PTBP3: variants seen among roughly 807,000 people sequenced by gnomAD.
PTBP3 encodes the protein polypyrimidine tract binding protein 3, also known as polypyrimidine tract-binding protein 3.
Under a neutral mutation model 58.7 loss-of-function variants are expected in PTBP3, and 20 were observed. The observed-to-expected ratio is 0.34, with a 90% CI of 0.24 to 0.50. The LOEUF (loss-of-function observed/expected upper bound fraction) is 0.50, where lower values mean the gene tolerates loss of function less well. Ranked by LOEUF, PTBP3 falls within the 20% of genes least tolerant of loss-of-function variation. The pLI is 0.98. For synonymous variants in PTBP3, 185 were observed against 219.8 expected (o/e 0.84, Z 1.40); for missense variants, 509 against 637.2 (o/e 0.80, Z 2.17).
At chr9:112,273,648 TTTTA>T (rs1470168536) in intron 3 of PTBP3, among the ~76,000 whole-genome samples, 1 of 152,212 alleles carries the variant, frequency 6.6e-6, no homozygotes, top group African/African-American at 2.4e-5. Context: ...ATTATTTACA[TTTTA>T]TTTAAGTATC....
At chr9:112,330,371 G>T (rs1830318450) in intron 1 of PTBP3, 3 of 1,149,304 alleles carry the variant, frequency 2.6e-6, no homozygotes, top group South Asian at 1.4e-5. Flanking sequence ...ATAATTTTAT[G>T]AACAGGTGAG....
At chr9:112,341,280 C>T in the PTBP3 span, among the ~76,000 whole-genome samples, 1 of 152,004 alleles carries the variant, frequency 6.6e-6, no homozygotes, top group Non-Finnish European at 1.5e-5. Flanking sequence ...TACAGGTGCA[C>T]ACCACCATGC....
Position 112,224,218 on chromosome 9 carries a change from A to T in PTBP3, c.1365-8T>A. 6.6e-7 allele frequency: 1 copy of T among 1,520,908 alleles called. No individual in the cohort carries two copies. The highest frequency in any genetic ancestry group is 8.8e-7 in the Non-Finnish European group (1 of 1,136,986). 94.2% of individuals were successfully genotyped at this position (1,520,908 alleles called of 1,614,324 possible). ...TCCACTGTAACAGAAGGGCTGTGAA[A>T]ACATCAGAGGGAGTCAACTACCTGG... On this transcript the variant is annotated splice_region_variant and splice_polypyrimidine_tract_variant and intron_variant, in intron 12 of 13. Coordinates refer to ENST00000374257, the MANE Select transcript of PTBP3 (RefSeq NM_001163788.4).
chr9:112,264,594 TAA>T (rs879413976), intron 4 of PTBP3, among the ~76,000 whole-genome samples: 1 of 152,204 alleles, frequency 6.6e-6, no homozygotes, highest in Non-Finnish European at 1.5e-5. Flanking sequence ...AATGTCAGAA[TAA>T]AAAGATACTA....
At chr9:112,376,156 G>GATATATATAT in the PTBP3 span, among the ~76,000 whole-genome samples, 8,320 of 116,330 alleles carry the variant, frequency 0.072, 480 homozygotes, top group East Asian at 0.15. Context: ...TTCTCTAGAG[G>GATATATATAT]ATATATATAT....
chr9:112,314,063 G>A (rs1412060616), intron 1 of PTBP3, among the ~76,000 whole-genome samples: 1 of 152,184 alleles, frequency 6.6e-6, no homozygotes, highest in Non-Finnish European at 1.5e-5. Context: ...ATCTAGAGGT[G>A]ATTTAAAGTA....
chr9:112,360,174 C>G, the PTBP3 span, among the ~76,000 whole-genome samples: 1 of 152,122 alleles, frequency 6.6e-6, no homozygotes, highest in Non-Finnish European at 1.5e-5. Flanking sequence ...AACTACCACC[C>G]CTAAAACCCA....
intron 1 of PTBP3, among the ~76,000 whole-genome samples, chr9:112,304,587 G>C (rs1456123608): frequency 6.6e-6 from 1 of 152,070 alleles, no homozygotes; most frequent in Non-Finnish European, 1.5e-5. Context: ...ATTTTTGTGA[G>C]ACAGAGTCTC....
chr9:112,369,075 C>T, the PTBP3 span, among the ~76,000 whole-genome samples: 125 of 152,374 alleles, frequency 8.2e-4, no homozygotes, highest in Non-Finnish European at 1.5e-3. Context: ...CTAGATTTCA[C>T]AGGATGTATA....
the PTBP3 span, among the ~76,000 whole-genome samples, chr9:112,364,487 G>A: frequency 2.6e-5 from 4 of 152,164 alleles, no homozygotes; most frequent in Non-Finnish European, 5.9e-5. Flanking sequence ...GCAAGACCCT[G>A]TCTTTACAAA....
At chr9:112,319,257 G>A (rs1375313757) in intron 1 of PTBP3, among the ~76,000 whole-genome samples, 2 of 151,792 alleles carry the variant, frequency 1.3e-5, no homozygotes, top group Non-Finnish European at 2.9e-5. Context: ...TGAAGACACA[G>A]CCAGGAGCAG....
chr9:112,222,831 T>C lies in PTBP3; in HGVS notation c.*1020A>G. 2.2e-6 allele frequency: 2 copies of C among 896,474 alleles called. No individual in the cohort carries two copies. The highest frequency in any genetic ancestry group is 2.7e-6 in the Non-Finnish European group (2 of 748,812). The allele number at this position is 896,474 out of a possible 1,614,324, so 55.5% of individuals were successfully genotyped here. Reference sequence around the variant, plus strand: ...AAGAAATTAAGTAAATACACAGTAATTCTGAGTAAGTATTAGAGATTATAG... The same window carrying C: ...AAGAAATTAAGTAAATACACAGTAACTCTGAGTAAGTATTAGAGATTATAG... On this transcript the variant is annotated 3_prime_UTR_variant, in exon 14 of 14. Coordinates refer to ENST00000374257, the MANE Select transcript of PTBP3 (RefSeq NM_001163788.4).
At chr9:112,315,738 A>C (rs1173041913) in intron 1 of PTBP3, among the ~76,000 whole-genome samples, 1 of 152,248 alleles carries the variant, frequency 6.6e-6, no homozygotes, top group Non-Finnish European at 1.5e-5. Flanking sequence ...AATTCTATCA[A>C]AGAGTTTTAA....
At chr9:112,276,435 T>G (rs116019381) in intron 2 of PTBP3, among the ~76,000 whole-genome samples, 2,960 of 152,264 alleles carry the variant, frequency 0.019, 105 homozygotes, top group African/African-American at 0.068. Flanking sequence ...ATGATAAAAA[T>G]CTGGTATTTA....
chr9:112,243,942 A>G (rs922344298), intron 7 of PTBP3, among the ~76,000 whole-genome samples: 2 of 152,194 alleles, frequency 1.3e-5, no homozygotes, highest in African/African-American at 4.8e-5. Context: ...GTCCAGAATC[A>G]GAATACAAAA....
chr9:112,273,758 C>T (rs1237685907), intron 3 of PTBP3, among the ~76,000 whole-genome samples: 1 of 152,176 alleles, frequency 6.6e-6, no homozygotes, highest in Non-Finnish European at 1.5e-5. Context: ...CATTTGGCCC[C>T]TGACACTCCA....
upstream of PTBP3, among the ~76,000 whole-genome samples, chr9:112,335,286 T>G (rs1167855367): frequency 6.6e-6 from 1 of 151,848 alleles, no homozygotes; most frequent in Non-Finnish European, 1.5e-5. Context: ...TTTTTTTGTT[T>G]TTTTGTTTTT....
intron 1 of PTBP3, among the ~76,000 whole-genome samples, chr9:112,318,453 T>G (rs1218106986): frequency 6.6e-6 from 1 of 152,092 alleles, no homozygotes; most frequent in Non-Finnish European, 1.5e-5. Flanking sequence ...TGAAAGAAAT[T>G]AAAGACGACA....
chr9:112,229,066 A>C (rs935806318), intron 10 of PTBP3, among the ~76,000 whole-genome samples: 1 of 152,198 alleles, frequency 6.6e-6, no homozygotes, highest in African/African-American at 2.4e-5. Context: ...GGGTATGGAA[A>C]GATAATAATC....
Sources: allele counts gnomAD v4.1 joint callset (sites outside exome capture counted in the v4.1 genomes callset), GRCh38; gene constraint gnomAD v4.1.1; transcripts MANE v1.5; gene names NCBI Gene and HGNC (gene_info 2026-07-23, HGNC 2026-07-21).